The following MAGI2 variants were observed in gnomAD, a reference collection of about 807,000 sequenced individuals.
The protein encoded by MAGI2 is membrane-associated guanylate kinase, WW and PDZ domain-containing protein 2.
A neutral mutation model predicts 133.3 loss-of-function variants in MAGI2; 35 were observed. That is an observed-to-expected ratio of 0.26 (90% CI 0.20 to 0.35). The LOEUF (loss-of-function observed/expected upper bound fraction) is 0.35, where lower values mean the gene tolerates loss of function less well. MAGI2 is among the 10% of genes least tolerant of loss of function. The pLI, the probability that MAGI2 is intolerant of heterozygous loss-of-function variation, is 1.00. For missense variants in MAGI2, 1,636 were observed against 1,863.4 expected, an observed-to-expected ratio of 0.88 and a Z score of 2.25; for synonymous variants, 729 against 710.6, an observed-to-expected ratio of 1.03 and a Z score of -0.41.
chr7:78,783,652 G>A (rs952837104), intron 2 of MAGI2, among the ~76,000 whole-genome samples: 1 of 152,070 alleles, frequency 6.6e-6, no homozygotes, highest in African/African-American at 2.4e-5. Flanking sequence ...AATTACAGTG[G>A]GTGAATCCAC....
chr7:79,374,449 C>T (rs1245111187), intron 1 of MAGI2, among the ~76,000 whole-genome samples: 3 of 151,912 alleles, frequency 2.0e-5, no homozygotes, highest in Non-Finnish European at 4.4e-5. Context: ...AAAGAGCCCT[C>T]ACTCTGTTTT....
chr7:78,988,789 G>C (rs1376819313), intron 2 of MAGI2, among the ~76,000 whole-genome samples: 1 of 152,016 alleles, frequency 6.6e-6, no homozygotes, highest in Non-Finnish European at 1.5e-5. Context: ...TTCTTTTGAG[G>C]AGGATGACTA....
chr7:78,531,827 T>A (rs2150626818), intron 3 of MAGI2, among the ~76,000 whole-genome samples: 1 of 152,324 alleles, frequency 6.6e-6, no homozygotes, highest in East Asian at 1.9e-4. Flanking sequence ...CTACGACTAT[T>A]TTTAGTCCCT....
intron 1 of MAGI2, among the ~76,000 whole-genome samples, chr7:79,419,657 A>G (rs377177415): frequency 6.6e-6 from 1 of 152,044 alleles, no homozygotes; most frequent in African/African-American, 2.4e-5. Flanking sequence ...TTGACAAGAC[A>G]GTAAGATTAT....
At chr7:79,166,659 C>A (rs1355992277) in intron 1 of MAGI2, among the ~76,000 whole-genome samples, 1 of 151,890 alleles carries the variant, frequency 6.6e-6, no homozygotes. Context: ...CCATTAAATA[C>A]AAAACAAACA....
chr7:78,967,494 G>A (rs1169020936), intron 2 of MAGI2, among the ~76,000 whole-genome samples: 2 of 151,860 alleles, frequency 1.3e-5, no homozygotes, highest in African/African-American at 2.4e-5. Flanking sequence ...TGTACTTTTG[G>A]TGTCATATTC....
intron 3 of MAGI2, chr7:78,621,431 C>G (rs1049834602): frequency 1.2e-4 from 18 of 151,826 alleles, no homozygotes; most frequent in African/African-American, 4.3e-4. Context: ...AATTTTAAAC[C>G]TGATTCAATA....
At chr7:79,292,934 C>T (rs1342513447) in intron 1 of MAGI2, among the ~76,000 whole-genome samples, 2 of 152,104 alleles carry the variant, frequency 1.3e-5, no homozygotes, top group Admixed American at 6.5e-5. Context: ...CTTGCCATTA[C>T]CTCCAACCTA....
intron 1 of MAGI2, among the ~76,000 whole-genome samples, chr7:79,447,574 T>C (rs2129204085): frequency 6.6e-6 from 1 of 152,148 alleles, no homozygotes; most frequent in South Asian, 2.1e-4. Flanking sequence ...TGTTGGTTGC[T>C]TCACCTTGTA....
intron 1 of MAGI2, among the ~76,000 whole-genome samples, chr7:79,264,411 G>T (rs924229480): frequency 6.6e-6 from 1 of 152,162 alleles, no homozygotes; most frequent in Admixed American, 6.5e-5. Flanking sequence ...CTAGGACAAA[G>T]TCAGGTAAAT....
intron 5 of MAGI2, among the ~76,000 whole-genome samples, chr7:78,498,015 G>C (rs1376856194): frequency 6.6e-6 from 1 of 151,620 alleles, no homozygotes; most frequent in East Asian, 1.9e-4. Flanking sequence ...TTTCCCTCTG[G>C]TTTACCTTCC....
At chr7:79,002,540 G>C (rs954756935) in intron 2 of MAGI2, among the ~76,000 whole-genome samples, 1 of 151,948 alleles carries the variant, frequency 6.6e-6, no homozygotes, top group African/African-American at 2.4e-5. Context: ...TATAAAATAA[G>C]TTTATTATCA....
chr7:78,691,478 TA>T (rs1416203134), intron 2 of MAGI2, among the ~76,000 whole-genome samples: 1 of 152,170 alleles, frequency 6.6e-6, no homozygotes, highest in Non-Finnish European at 1.5e-5. Flanking sequence ...TTAGATGAAT[TA>T]AAACAGGCTC....
intron 11 of MAGI2, among the ~76,000 whole-genome samples, chr7:78,196,305 G>C (rs1397309643): frequency 2.0e-5 from 3 of 151,736 alleles, no homozygotes; most frequent in Non-Finnish European, 4.4e-5. Context: ...TGATTACCAC[G>C]AGTCTACCCA....
chr7:79,088,634 T>C (rs536425809), intron 1 of MAGI2, among the ~76,000 whole-genome samples: 1 of 152,148 alleles, frequency 6.6e-6, no homozygotes, highest in Non-Finnish European at 1.5e-5. Context: ...CAGTATGATA[T>C]TGGCTGTGGG....
intron 2 of MAGI2, among the ~76,000 whole-genome samples, chr7:78,844,635 G>C (rs1198690912): frequency 6.6e-6 from 1 of 151,870 alleles, no homozygotes; most frequent in Non-Finnish European, 1.5e-5. Context: ...GTTTCCAGGA[G>C]AGGGTGGAGG....
intron 2 of MAGI2, among the ~76,000 whole-genome samples, chr7:78,741,231 C>T (rs1183483455): frequency 4.0e-5 from 6 of 151,872 alleles, no homozygotes; most frequent in Non-Finnish European, 7.4e-5. Context: ...ATAGAAGAGA[C>T]AGCTTTCAAA....
chr7:78,994,601 G>A (rs1447218746), intron 2 of MAGI2, among the ~76,000 whole-genome samples: 1 of 152,072 alleles, frequency 6.6e-6, no homozygotes, highest in South Asian at 2.1e-4. Flanking sequence ...AGTGACTAAG[G>A]AGGTAACATA....
At chr7:78,299,713 G>A (rs1797662461) in intron 9 of MAGI2, among the ~76,000 whole-genome samples, 1 of 152,070 alleles carries the variant, frequency 6.6e-6, no homozygotes, top group Non-Finnish European at 1.5e-5. Flanking sequence ...CAGGTATTAA[G>A]CCCGGTATCC....
Sources: allele counts gnomAD v4.1 joint callset (sites outside exome capture counted in the v4.1 genomes callset), GRCh38; gene constraint gnomAD v4.1.1; transcripts MANE v1.5; gene names NCBI Gene and HGNC (gene_info 2026-07-23, HGNC 2026-07-21).